Variants in WNK1 observed in about 807,000 individuals in gnomAD.
WNK1 encodes the protein WNK lysine deficient protein kinase 1.
WNK1 carries 38 observed loss-of-function variants against 222.8 expected under a neutral mutation model. The ratio of observed to expected loss-of-function variants is 0.17; its 90% CI spans 0.13 to 0.22. The LOEUF is 0.22. WNK1 is among the 10% of genes least tolerant of loss of function. The probability of loss-of-function intolerance (pLI) is 1.00; values close to 1 mark genes in which losing one functional copy is unlikely to be tolerated. For synonymous variants in WNK1, 1,090 were observed against 1,092.9 expected (o/e 1.00, Z 0.05); for missense variants, 2,348 against 2,918.4 (o/e 0.80, Z 4.50).
At chr12:860,981 A>G (rs1413535188) in intron 6 of WNK1, 32 bp from the exon 7 acceptor site, 5 of 1,601,732 alleles carry the variant, frequency 3.1e-6, no homozygotes, top group Non-Finnish European at 3.4e-6. Flanking sequence ...CTTTCAATAT[A>G]CTACTGCTTA....
intron 1 of WNK1, among the ~76,000 whole-genome samples, chr12:813,107 G>A (rs1353525567): frequency 6.6e-6 from 1 of 152,148 alleles, no homozygotes; most frequent in African/African-American, 2.4e-5. Flanking sequence ...GGTGGCACAT[G>A]CCTGTAGTCC....
Position 911,448 on chromosome 12 carries a change from G to A in WNK1, c.*2656G>A. ...ATTCAAATAAACCAAACTTGCTTTTGTTGAGCTGTGGGGTTTCATTTCCAG... is the reference window on the plus strand; with the variant it reads ...ATTCAAATAAACCAAACTTGCTTTTATTGAGCTGTGGGGTTTCATTTCCAG... On this transcript the variant is annotated 3_prime_UTR_variant, in exon 28 of 28. Coordinates refer to ENST00000315939, the MANE Select transcript of WNK1 (RefSeq NM_018979.4). 2.5e-6 allele frequency: 1 copy of A among 398,468 alleles called. No individual in the cohort carries two copies. The highest frequency in any genetic ancestry group is 4.4e-6 in the Non-Finnish European group (1 of 226,022). The allele number at this position is 398,468 out of a possible 1,614,324, so 24.7% of individuals were successfully genotyped here.
chr12:891,448 A>G (rs565649528), intron 22 of WNK1, among the ~76,000 whole-genome samples: 2 of 152,322 alleles, frequency 1.3e-5, no homozygotes, highest in Middle Eastern at 3.4e-3. Context: ...GAAAGATGGA[A>G]TATTTTTATA....
At chr12:887,451 A>T (rs1446316000) in intron 20 of WNK1, 147 bp downstream of exon 20, 1 of 759,504 alleles carries the variant, frequency 1.3e-6, no homozygotes, top group Admixed American at 2.2e-5. Context: ...CCAATGACCC[A>T]GTTCCTACTT....
chr12:816,419 A>G (rs1050250640), intron 2 of WNK1, among the ~76,000 whole-genome samples: 2 of 151,666 alleles, frequency 1.3e-5, no homozygotes, highest in African/African-American at 4.8e-5. Context: ...ATAGTTGCTC[A>G]CCACCATACC....
At position 868,461 on chromosome 12, in the gene WNK1, A is replaced by G. The variant is rs1208837677; in HGVS notation, c.2140-2804A>G. 1 of 1,614,006 alleles carries G rather than the reference A, an allele frequency of 6.2e-7. No homozygotes were observed. The highest frequency in any genetic ancestry group is 1.7e-5 in the Admixed American group (1 of 60,024). On this transcript the variant is annotated intron_variant, in intron 8 of 27. Coordinates refer to ENST00000315939, the MANE Select transcript of WNK1 (RefSeq NM_018979.4). ...CAGGCTTTCCTGGTAGGACACCTTC[A>G]GAATCTAAGATTAGATTCTGGATTG...
chr12:841,657 A>G (rs770542424), intron 4 of WNK1, among the ~76,000 whole-genome samples: 27 of 152,236 alleles, frequency 1.8e-4, no homozygotes, highest in Non-Finnish European at 3.2e-4. Context: ...TAGGTGGCAT[A>G]TAAACAACAA....
At chr12:851,476 G>A (rs1950415240) in intron 4 of WNK1, 5 of 1,149,076 alleles carry the variant, frequency 4.4e-6, no homozygotes, top group Non-Finnish European at 5.4e-6. Context: ...TTTTCCTGCT[G>A]TTGGGCATGC....
At position 866,483 on chromosome 12, in the gene WNK1, C is replaced by T. The variant is rs371373637; in HGVS notation, c.2139+4213C>T. Among the ~76,000 whole-genome samples the T allele has an allele frequency of 2.6e-4, 39 of 152,286 alleles. No individual in the cohort carries two copies. In the East Asian group the frequency reaches 4.1e-3, roughly 16 times the overall value. ...GTTCAAGTGATTCTCCTGCCTCAGC[C>T]TCCCGAGTAGCTAGGACTACAGGCG... On this transcript the variant is annotated intron_variant, in intron 8 of 27. Coordinates refer to ENST00000315939, the MANE Select transcript of WNK1 (RefSeq NM_018979.4).
At chr12:892,729 A>C (rs1011894854) in intron 22 of WNK1, among the ~76,000 whole-genome samples, 2 of 152,192 alleles carry the variant, frequency 1.3e-5, no homozygotes, top group Non-Finnish European at 2.9e-5. Flanking sequence ...ACATGAAAAT[A>C]TTTAATGTCC....
chr12:756,752 C>G (rs2121246358), intron 1 of WNK1, among the ~76,000 whole-genome samples: 1 of 152,232 alleles, frequency 6.6e-6, no homozygotes, highest in African/African-American at 2.4e-5. Context: ...AATTAAAGGA[C>G]AAGCCAAGGG....
Position 864,110 on chromosome 12 carries a change from G to GTTT in WNK1, c.2139+1855_2139+1857dup, listed in dbSNP as rs372936466. Among the ~76,000 whole-genome samples the GTTT allele has an allele frequency of 1.3e-4, 16 of 124,568 alleles. 1 individual carries two copies. The highest frequency in any genetic ancestry group is 2.1e-4 in the African/African-American group (7 of 33,078). The allele number at this position is 124,568 out of a possible 152,430, so 81.7% of individuals were successfully genotyped here. On this transcript the variant is annotated intron_variant, in intron 8 of 27. Coordinates refer to ENST00000315939, the MANE Select transcript of WNK1 (RefSeq NM_018979.4). ...ACCCTGTGCCTGAACATTTTTTTAA[G>GTTT]TTTTTTTTTTTTTTTTTGACAGCGT...
chr12:767,427 A>G (rs1315862262), intron 1 of WNK1, among the ~76,000 whole-genome samples: 3 of 150,968 alleles, frequency 2.0e-5, no homozygotes, highest in African/African-American at 4.9e-5. Context: ...TAATTTTTGT[A>G]TTTTTAGTAG....
At chr12:851,850 T>G in intron 4 of WNK1, 1 of 1,180,856 alleles carries the variant, frequency 8.5e-7, no homozygotes, top group Non-Finnish European at 1.1e-6. Context: ...TGGTAGAAAG[T>G]TTCCAATATT....
At chr12:844,126 C>G (rs1187890639) in intron 4 of WNK1, among the ~76,000 whole-genome samples, 1 of 151,642 alleles carries the variant, frequency 6.6e-6, no homozygotes, top group Admixed American at 6.6e-5. Context: ...TAAAAATTTT[C>G]TTTATTTTAT....
chr12:893,799 G>A (rs1438178701), intron 22 of WNK1, among the ~76,000 whole-genome samples: 1 of 104,472 alleles, frequency 9.6e-6, no homozygotes, highest in Non-Finnish European at 2.2e-5. Context: ...CTGCAACCTG[G>A]GCAACAGAGT....
intron 1 of WNK1, among the ~76,000 whole-genome samples, chr12:754,646 C>A (rs555810187): frequency 6.6e-6 from 1 of 152,142 alleles, no homozygotes; most frequent in African/African-American, 2.4e-5. Flanking sequence ...AGTACAGATG[C>A]TTCTTCTTCT....
chr12:855,380 C>T lies in WNK1; in HGVS notation c.1312-1781C>T, dbSNP rs541436872. On this transcript the variant is annotated intron_variant, in intron 4 of 27. Coordinates refer to ENST00000315939, the MANE Select transcript of WNK1 (RefSeq NM_018979.4). ...AAGTTAGCCCTGCGAGTAGAATTCT[C>T]CAAATTGGGTCTTCGGAATAATACA... is the stretch of plus-strand genomic sequence containing the variant. Among the ~76,000 whole-genome samples the T allele has an allele frequency of 5.3e-5, 8 of 152,264 alleles. No homozygotes were observed. The South Asian group carries it at 1.7e-3, about 32-fold the overall frequency.
At chr12:869,533 A>G (rs1350613868) in intron 8 of WNK1, among the ~76,000 whole-genome samples, 1 of 152,172 alleles carries the variant, frequency 6.6e-6, no homozygotes, top group Non-Finnish European at 1.5e-5. Context: ...AAAATATAAA[A>G]CATGGAAAAT....
Sources: allele counts gnomAD v4.1 joint callset (sites outside exome capture counted in the v4.1 genomes callset), GRCh38; gene constraint gnomAD v4.1.1; transcripts MANE v1.5; gene names NCBI Gene and HGNC (gene_info 2026-07-23, HGNC 2026-07-21).